The following USP2 variants were observed in gnomAD, a reference collection of about 807,000 sequenced individuals.
USP2 encodes the protein ubiquitin specific peptidase 2.
USP2 carries 33 observed loss-of-function variants against 72.0 expected under a neutral mutation model. The ratio of observed to expected loss-of-function variants is 0.46; its 90% CI spans 0.35 to 0.61. The LOEUF (loss-of-function observed/expected upper bound fraction) is 0.61, where lower values mean the gene tolerates loss of function less well. USP2 is among the 20% of genes least tolerant of loss of function. The pLI, the probability that USP2 is intolerant of heterozygous loss-of-function variation, is 0.01. For synonymous variants in USP2, 296 were observed against 312.5 expected (o/e 0.95, Z 0.56); for missense variants, 691 against 797.8 (o/e 0.87, Z 1.61).
In USP2 at chr11:119,373,280, G is replaced by A. The variant is rs775619894; in HGVS notation, c.201C>T (p.Gly67=). Residue 67 remains glycine (G), a synonymous_variant, in exon 2 of 13, where the codon GGC becomes GGT. Transcript: ENST00000260187. ...GGTCATAGTCCAGGAGGGAGGAGGGGCCATAGGTACGGGGACGGGTGAGGA... is the reference window on the plus strand; with the variant it reads ...GGTCATAGTCCAGGAGGGAGGAGGGACCATAGGTACGGGGACGGGTGAGGA... ...SSFLTRPRTY[G]PSSLLDYDRG... 1.2e-6 allele frequency: 2 copies of A among 1,613,890 alleles called. No homozygotes were observed. Among genetic ancestry groups the A allele is most frequent in the Admixed American group, 1.7e-5 (1 of 60,022 alleles).
chr11:119,360,412 ATTTTC>A lies in USP2; in HGVS notation c.775-183_775-179del, dbSNP rs201575647. 4.4e-3 allele frequency: 3,056 copies of A among 699,132 alleles called. 14 individuals carry two copies. Among genetic ancestry groups the A allele is most frequent in the East Asian group, 0.021 (738 of 35,566 alleles). 43.3% of individuals were successfully genotyped at this position (699,132 alleles called of 1,614,324 possible). A position where few individuals can be genotyped will look rare whatever the true frequency, so the allele number is the denominator to read the frequency against. ...GAAAGAGGATTGAGGAATGCCTGTG[ATTTTC>A]TTTTCTTTTCTTTTTTTTTTTTTTG... is the stretch of plus-strand genomic sequence containing the variant. On this transcript the variant is annotated intron_variant, in intron 2 of 12. Transcript: ENST00000260187.
At chr11:119,366,445 A>G (rs555768503) in intron 2 of USP2, among the ~76,000 whole-genome samples, 4 of 152,318 alleles carry the variant, frequency 2.6e-5, no homozygotes, top group East Asian at 1.9e-4. Flanking sequence ...ATTACTGCAT[A>G]TCGTCAGTCT....
intron 1 of USP2, 37 bp from the exon 2 acceptor site, chr11:119,373,558 C>T: frequency 6.8e-7 from 1 of 1,465,724 alleles, no homozygotes; most frequent in East Asian, 2.4e-5. Flanking sequence ...GAGGGCCCTG[C>T]CAGGTGTCGG....
intron 2 of USP2, among the ~76,000 whole-genome samples, chr11:119,360,969 A>G (rs1027892747): frequency 2.6e-5 from 4 of 152,206 alleles, no homozygotes; most frequent in African/African-American, 7.2e-5. Context: ...ATATAAAGTA[A>G]CTCTCATAAG....
At position 119,373,019 on chromosome 11, in the gene USP2, C is replaced by A. The variant is rs1386533707; in HGVS notation, c.462G>T (p.Arg154=). Residue 154 remains arginine (R), a synonymous_variant, in exon 2 of 13, where the codon CGG becomes CGT. Transcript: ENST00000260187. ...GGTCTATCCGGTAGCTATCTGAGGT[C>A]CGGAGGCTGGAGAAATCCCGGGCCA... ...SDLARDFSSL[R]TSDSYRIDPR... 1 of 1,613,724 alleles carries A rather than the reference C, an allele frequency of 6.2e-7. No individual in the cohort carries two copies. Among genetic ancestry groups the A allele is most frequent in the Non-Finnish European group, 8.5e-7 (1 of 1,180,036 alleles).
At chr11:119,358,442 A>G (rs138963712) in intron 7 of USP2, among the ~76,000 whole-genome samples, 190 bp from the exon 8 acceptor site, 25 of 152,170 alleles carry the variant, frequency 1.6e-4, no homozygotes, top group Non-Finnish European at 3.2e-4. Context: ...CAGCCTCCCA[A>G]GTAGCTGGGA....
intron 9 of USP2, 49 bp from the exon 10 acceptor site, chr11:119,357,884 C>T: frequency 6.2e-7 from 1 of 1,613,510 alleles, no homozygotes; most frequent in Non-Finnish European, 8.5e-7. Flanking sequence ...TCAGTGGGCC[C>T]CAATCCAGTC....
In USP2 at chr11:119,357,409, C is replaced by T. The variant is rs927134819; in HGVS notation, c.1609+74G>A. ...TCTCAGTAGCTGGTGCTGGCAGCTC[C>T]CCTTCCTCCTGCCCTCCCTCCGGCC... On this transcript the variant is annotated intron_variant, in intron 11 of 12. Coordinates refer to ENST00000260187, the MANE Select transcript of USP2 (RefSeq NM_004205.5). 13 of 1,609,778 alleles carry T rather than the reference C, an allele frequency of 8.1e-6. No individual in the cohort carries two copies. In the African/African-American group the frequency reaches 1.3e-4, roughly 17 times the overall value.
In USP2 at chr11:119,358,877, AAACTT is replaced by A. The variant is rs553334685; in HGVS notation, c.1173-45_1173-41del. 6.0e-4 allele frequency: 969 copies of A among 1,612,076 alleles called. 6 individuals are homozygous for A. The African/African-American group carries it at 0.011, about 19-fold the overall frequency. On this transcript the variant is annotated intron_variant, in intron 6 of 12. Transcript: ENST00000260187. The stretch of plus-strand genomic sequence containing the variant: ...GAGACAACAATTGGGTCAAAGCTCA[AAACTT>A]AAGTTTAAGGGTCTGTCAATTTTGA...
chr11:119,358,583 T>G, intron 7 of USP2, 190 bp downstream of exon 7: 2 of 703,784 alleles, frequency 2.8e-6, no homozygotes, highest in Non-Finnish European at 4.7e-6. Context: ...CCCAAAGTGT[T>G]GGGTTTACAG....
chr11:119,380,650 C>G (rs1030319791), intron 1 of USP2: 1 of 153,184 alleles, frequency 6.5e-6, no homozygotes, highest in Admixed American at 6.5e-5. Context: ...TGACTCAGCC[C>G]AGGTCCTAAT....
At chr11:119,373,562 G>T (rs967124266) in intron 1 of USP2, 41 bp from the exon 2 acceptor site, 4 of 1,458,404 alleles carry the variant, frequency 2.7e-6, no homozygotes, top group African/African-American at 2.8e-5. Flanking sequence ...GCCCTGCCAG[G>T]TGTCGGGCTC....
Position 119,357,264 on chromosome 11 carries a change from T to A in USP2, c.1653A>T (p.Gly551=). 2 of 1,613,308 alleles carry A rather than the reference T, an allele frequency of 1.2e-6. No individual in the cohort carries two copies. The highest frequency in any genetic ancestry group is 1.7e-6 in the Non-Finnish European group (2 of 1,179,888). Residue 551 remains glycine (G), a synonymous_variant, in exon 12 of 13, where the codon GGA becomes GGT. Coordinates refer to ENST00000260187, the MANE Select transcript of USP2 (RefSeq NM_004205.5). ...CTGTATAGTGGCCACCCATGGTGGT[T>A]CCGGAGTGATTGGACACAGCGTACA... The part of the protein sequence containing the change: ...YNLYAVSNHS[G]TTMGGHYTAY...
At chr11:119,362,982 A>C (rs1176837402) in intron 2 of USP2, among the ~76,000 whole-genome samples, 2 of 152,224 alleles carry the variant, frequency 1.3e-5, no homozygotes, top group African/African-American at 4.8e-5. Flanking sequence ...GCCTGGGTTA[A>C]TGCAGAGGTA....
intron 2 of USP2, among the ~76,000 whole-genome samples, chr11:119,360,783 G>A (rs1322063403): frequency 6.6e-6 from 1 of 152,118 alleles, no homozygotes; most frequent in Admixed American, 6.5e-5. Flanking sequence ...TATTGAGTGT[G>A]TATTGACTAT....
intron 1 of USP2, among the ~76,000 whole-genome samples, chr11:119,380,992 T>A (rs1951052976): frequency 6.6e-6 from 1 of 152,202 alleles, no homozygotes; most frequent in African/African-American, 2.4e-5. Context: ...TGCCTGCTTC[T>A]GGTTTGGGAC....
At chr11:119,379,352 T>C (rs1565315632) in intron 1 of USP2, 5 of 917,530 alleles carry the variant, frequency 5.4e-6, no homozygotes, top group Non-Finnish European at 3.9e-6. Flanking sequence ...GGAAAGAGCA[T>C]TGAAAAGAGC....
At position 119,356,717 on chromosome 11, in the gene USP2, G is replaced by C; in HGVS notation, c.*118C>G. On this transcript the variant is annotated 3_prime_UTR_variant, in exon 13 of 13. Transcript: ENST00000260187. ...CATCCACTCCTGCTCGGCAGCTTCA[G>C]GTTTGTTTTTCTCTTGTCAGGTTTG... is the stretch of plus-strand genomic sequence containing the variant. 9.2e-7 allele frequency: 1 copy of C among 1,091,630 alleles called. No individual in the cohort carries two copies. The highest frequency in any genetic ancestry group is 1.3e-6 in the Non-Finnish European group (1 of 770,476). The allele number at this position is 1,091,630 out of a possible 1,614,324, so 67.6% of individuals were successfully genotyped here.
At chr11:119,369,520 C>T (rs868059418) in intron 2 of USP2, among the ~76,000 whole-genome samples, 5 of 152,128 alleles carry the variant, frequency 3.3e-5, no homozygotes, top group African/African-American at 4.8e-5. Context: ...GTTTCTCCCA[C>T]GGGGTTGGTG....
Sources: gnomAD v4.1 joint callset for allele counts (sites outside exome capture counted in the v4.1 genomes callset) on GRCh38, gnomAD v4.1.1 for gene constraint, MANE v1.5 for transcripts, NCBI Gene and HGNC (gene_info 2026-07-23, HGNC 2026-07-21) for gene names.